Variants in SP100 observed in about 807,000 individuals in gnomAD.
The protein encoded by SP100 is nuclear autoantigen Sp-100.
In SP100, 84 loss-of-function variants were observed where a neutral mutation model predicts 130.0. The ratio of observed to expected loss-of-function variants is 0.65; its 90% CI spans 0.54 to 0.77. The LOEUF is 0.77. Among genes scored for constraint, SP100 ranks in the 30% least tolerant of loss-of-function variants. The probability of loss-of-function intolerance (pLI) is 0.00; values close to 1 mark genes in which losing one functional copy is unlikely to be tolerated. For synonymous variants in SP100, 331 were observed against 351.7 expected (o/e 0.94, Z 0.66); for missense variants, 978 against 1,052.2 (o/e 0.93, Z 0.97).
At chr2:230,448,808 G>C (rs1332840150) in intron 5 of SP100, among the ~76,000 whole-genome samples, 1 of 152,160 alleles carries the variant, frequency 6.6e-6, no homozygotes, top group Non-Finnish European at 1.5e-5. Flanking sequence ...GGATCACTCT[G>C]CCATCATCAC....
intron 14 of SP100, 124 bp from the exon 15 acceptor site, chr2:230,469,891 G>C (rs1178771321): frequency 6.6e-7 from 1 of 1,512,316 alleles, no homozygotes; most frequent in African/African-American, 1.4e-5. Context: ...GGGTGGCCTA[G>C]TGGTGGGACT....
At chr2:230,466,918 C>G (rs1433087618) in intron 12 of SP100, among the ~76,000 whole-genome samples, 1 of 152,168 alleles carries the variant, frequency 6.6e-6, no homozygotes, top group African/African-American at 2.4e-5. Flanking sequence ...GCTCAGGTGA[C>G]AGTGAGGGAT....
At chr2:230,506,706 CTG>C (rs1354984377) in intron 22 of SP100, 2 of 346,556 alleles carry the variant, frequency 5.8e-6, no homozygotes, top group Non-Finnish European at 1.1e-5. Context: ...CATTAATAAA[CTG>C]TGCAATTTGG....
intron 17 of SP100, among the ~76,000 whole-genome samples, chr2:230,474,980 C>T (rs376901449): frequency 6.6e-6 from 1 of 151,140 alleles, no homozygotes. Context: ...TTGTGAATAG[C>T]ACTATAAGGA....
chr2:230,444,088 T>G (rs1199469980), intron 3 of SP100, 90 bp from the exon 4 acceptor site: 43 of 961,224 alleles, frequency 4.5e-5, no homozygotes, highest in Non-Finnish European at 6.1e-5. Context: ...GTAGAGAAAT[T>G]AGAATACAGT....
intron 8 of SP100, among the ~76,000 whole-genome samples, chr2:230,457,871 G>A (rs1223658012): frequency 6.6e-6 from 1 of 152,048 alleles, no homozygotes. Context: ...TTTTCTATAA[G>A]GGCAAAACTT....
chr2:230,417,628 A>T lies in SP100; in HGVS notation c.70A>T (p.Met24Leu). ...NECISPVANE[M>L]NHLPAHSHDL... ...ATGTATTTCACCAGTAGCAAATGAG[A>T]TGAACCATCTTCCTGCACACAGCCA... Residue 24 changes from methionine (M) to leucine (L), a missense_variant, in exon 2 of 29, where the codon ATG becomes TTG. By Grantham distance (15) the Met-to-Leu change is conservative. Coordinates refer to ENST00000340126, the MANE Select transcript of SP100 (RefSeq NM_001080391.2). 1 of 1,613,434 alleles carries T rather than the reference A, an allele frequency of 6.2e-7. No individual in the cohort carries two copies. Among genetic ancestry groups the T allele is most frequent in the Non-Finnish European group, 8.5e-7 (1 of 1,179,832 alleles).
Position 230,539,358 on chromosome 2 carries a change from ACATCC to A in SP100, c.2192_2196del (p.Pro731ArgfsTer4). On this transcript the variant is annotated frameshift_variant, in exon 25 of 29. Transcript: ENST00000340126. LOFTEE classifies it high-confidence loss of function. ...CCAAGATCCTTTCATGAGCACTGCCACATCCCATCCGTGGAAGCTAACAAGTGAGT... is the reference window on the plus strand; with the variant it reads ...CCAAGATCCTTTCATGAGCACTGCCACATCCGTGGAAGCTAACAAGTGAGT... 2 of 1,613,724 alleles carry A rather than the reference ACATCC, an allele frequency of 1.2e-6. No individual in the cohort carries two copies. The highest frequency in any genetic ancestry group is 1.7e-6 in the Non-Finnish European group (2 of 1,179,680).
In SP100 at chr2:230,473,383, G is replaced by C. The variant is rs764094460; in HGVS notation, c.1489G>C (p.Gly497Arg). ...CTCCTGTGTCATGTGTTTTCCAAAA[G>C]GTGTGCCAAGAAGCCAAGAAGCAAG... ...KCSCVMCFPK[G>R]VPRSQEARTE... The change falls in exon 16 of 29, where the codon GGT becomes CGT. Residue 497 changes from glycine to arginine, a missense_variant. Physicochemically the swap from Gly to Arg is moderately radical, Grantham distance 125 (BLOSUM62 -2). Coordinates refer to ENST00000340126, the MANE Select transcript of SP100 (RefSeq NM_001080391.2). 3 of 1,614,036 alleles carry C rather than the reference G, an allele frequency of 1.9e-6. No homozygotes were observed. Among genetic ancestry groups the C allele is most frequent in the South Asian group, 2.2e-5 (2 of 91,072 alleles).
intron 24 of SP100, among the ~76,000 whole-genome samples, chr2:230,522,784 C>T (rs1385060749): frequency 6.6e-6 from 1 of 151,346 alleles, no homozygotes; most frequent in South Asian, 2.1e-4. Flanking sequence ...CACTGGCACC[C>T]AGCCCCAGTG....
At chr2:230,485,070 A>C (rs114763737) in intron 17 of SP100, among the ~76,000 whole-genome samples, 3,142 of 151,732 alleles carry the variant, frequency 0.021, 123 homozygotes, top group African/African-American at 0.072. Flanking sequence ...GCTGGGATAC[A>C]GGCACATGGC....
At chr2:230,444,475 T>C in intron 4 of SP100, 129 bp downstream of exon 4, 4 of 711,876 alleles carry the variant, frequency 5.6e-6, no homozygotes, top group Non-Finnish European at 9.4e-6. Flanking sequence ...AAAATAGACA[T>C]GCCATGAGTC....
At chr2:230,452,038 C>T (rs2064012331) in intron 8 of SP100, among the ~76,000 whole-genome samples, 2 of 152,150 alleles carry the variant, frequency 1.3e-5, no homozygotes, top group Admixed American at 1.3e-4. Context: ...ATTAACATAG[C>T]TTTGCTGTAT....
chr2:230,538,230 T>G (rs1487432018), intron 24 of SP100: 3 of 152,188 alleles, frequency 2.0e-5, no homozygotes, highest in Non-Finnish European at 4.4e-5. Context: ...CTAAAAAGGT[T>G]AAAGAGACAT....
At chr2:230,500,135 A>G (rs2066936935) in intron 19 of SP100, among the ~76,000 whole-genome samples, 2 of 151,964 alleles carry the variant, frequency 1.3e-5, no homozygotes, top group Admixed American at 6.5e-5. Flanking sequence ...AGTCCCTGCT[A>G]TGAAAAAATA....
intron 22 of SP100, among the ~76,000 whole-genome samples, chr2:230,507,687 A>G (rs989960379): frequency 2.0e-5 from 3 of 152,144 alleles, no homozygotes; most frequent in Non-Finnish European, 1.5e-5. Context: ...AAAACGTAGA[A>G]TGGGGCATTC....
At chr2:230,494,561 A>G (rs1559518883) in intron 18 of SP100, 101 bp downstream of exon 18, 1 of 843,410 alleles carries the variant, frequency 1.2e-6, no homozygotes, top group African/African-American at 1.7e-5. Context: ...CCTATGGGCC[A>G]CGGTAGCTTC....
At chr2:230,443,709 C>T (rs1214837059) in intron 3 of SP100, among the ~76,000 whole-genome samples, 1 of 152,130 alleles carries the variant, frequency 6.6e-6, no homozygotes, top group Non-Finnish European at 1.5e-5. Flanking sequence ...TACAGAGCAG[C>T]GAGTCATCTC....
chr2:230,479,430 TTCC>T (rs2065728085), intron 17 of SP100, among the ~76,000 whole-genome samples: 1 of 152,208 alleles, frequency 6.6e-6, no homozygotes, highest in Non-Finnish European at 1.5e-5. Context: ...TTTATACCAC[TTCC>T]ATTTGCCAGA....
Sources: gnomAD v4.1 joint callset for allele counts (sites outside exome capture counted in the v4.1 genomes callset) on GRCh38, gnomAD v4.1.1 for gene constraint, MANE v1.5 for transcripts, NCBI Gene and HGNC (gene_info 2026-07-23, HGNC 2026-07-21) for gene names.